Variants in PTPRO observed in about 807,000 individuals in gnomAD.
PTPRO encodes the protein protein tyrosine phosphatase receptor type O.
Under a neutral mutation model 145.2 loss-of-function variants are expected in PTPRO, and 62 were observed. The observed-to-expected ratio is 0.43, with a 90% CI of 0.35 to 0.53. The LOEUF (loss-of-function observed/expected upper bound fraction) is 0.53, where lower values mean the gene tolerates loss of function less well. Among genes scored for constraint, PTPRO ranks in the 20% least tolerant of loss-of-function variants. The probability of loss-of-function intolerance (pLI) is 0.01; values close to 1 mark genes in which losing one functional copy is unlikely to be tolerated. For synonymous variants in PTPRO, 565 were observed against 514.7 expected (o/e 1.10, Z -1.32); for missense variants, 1,345 against 1,482.7 (o/e 0.91, Z 1.53).
At chr12:15,351,623 G>C (rs1230720180) in intron 1 of PTPRO, among the ~76,000 whole-genome samples, 1 of 152,192 alleles carries the variant, frequency 6.6e-6, no homozygotes, top group East Asian at 1.9e-4. Flanking sequence ...AGCCAACAGG[G>C]AGGAAAGTAA....
chr12:15,346,459 A>G (rs1867216008), intron 1 of PTPRO: 1 of 152,228 alleles, frequency 6.6e-6, no homozygotes, highest in Non-Finnish European at 1.5e-5. Flanking sequence ...TCCCACATGC[A>G]GAGCTGCAAG....
At chr12:15,469,816 A>C (rs1190530244) in intron 1 of PTPRO, among the ~76,000 whole-genome samples, 2 of 151,808 alleles carry the variant, frequency 1.3e-5, no homozygotes, top group African/African-American at 4.8e-5. Flanking sequence ...TATGTCTCAA[A>C]GAAAATCAAT....
chr12:15,342,375 A>T (rs925495196), intron 1 of PTPRO, among the ~76,000 whole-genome samples: 17 of 150,946 alleles, frequency 1.1e-4, no homozygotes, highest in African/African-American at 4.1e-4. Context: ...TTTTATGTCT[A>T]TGATCACCAA....
At chr12:15,492,027 A>G (rs1565661660) in intron 2 of PTPRO, among the ~76,000 whole-genome samples, 1 of 152,236 alleles carries the variant, frequency 6.6e-6, no homozygotes, top group Non-Finnish European at 1.5e-5. Flanking sequence ...ACCGAGGTCC[A>G]AGGCTAGTTA....
intron 16 of PTPRO, among the ~76,000 whole-genome samples, chr12:15,559,378 C>G (rs1425185092): frequency 1.3e-5 from 2 of 152,092 alleles, no homozygotes; most frequent in Non-Finnish European, 2.9e-5. Flanking sequence ...TATTTTTCCC[C>G]CTAATTCTCA....
intron 1 of PTPRO, among the ~76,000 whole-genome samples, chr12:15,447,335 G>T (rs11056493): frequency 1.3e-5 from 2 of 152,050 alleles, no homozygotes; most frequent in African/African-American, 4.8e-5. Context: ...ACTGCAGCAG[G>T]TTCTTATTGC....
chr12:15,484,275 TTTC>T, intron 2 of PTPRO, 28 bp downstream of exon 2: 1 of 1,611,910 alleles, frequency 6.2e-7, no homozygotes, highest in Non-Finnish European at 8.5e-7. Context: ...TATTGTCCCG[TTTC>T]TTCTTATTGT....
At chr12:15,342,071 T>C (rs145195531) in intron 1 of PTPRO, among the ~76,000 whole-genome samples, 161 of 152,346 alleles carry the variant, frequency 1.1e-3, no homozygotes, top group African/African-American at 3.1e-3. Flanking sequence ...TTATGTGTAT[T>C]TGTGCATGTG....
At chr12:15,577,928 T>G (rs1944222483) in intron 19 of PTPRO, among the ~76,000 whole-genome samples, 1 of 152,298 alleles carries the variant, frequency 6.6e-6, no homozygotes, top group East Asian at 1.9e-4. Context: ...AATCCCCCTT[T>G]CCCCATAACA....
intron 1 of PTPRO, among the ~76,000 whole-genome samples, chr12:15,455,158 G>A (rs1167536778): frequency 6.6e-6 from 1 of 152,038 alleles, no homozygotes. Context: ...TGCACATCCT[G>A]TTCTCTGTAG....
intron 13 of PTPRO, among the ~76,000 whole-genome samples, chr12:15,547,948 A>C (rs1943338451): frequency 6.6e-6 from 1 of 152,212 alleles, no homozygotes; most frequent in African/African-American, 2.4e-5. Context: ...TAGTCTGGCC[A>C]TGGGTCCACC....
intron 1 of PTPRO, among the ~76,000 whole-genome samples, chr12:15,447,112 A>T (rs1364160168): frequency 2.0e-5 from 3 of 152,098 alleles, no homozygotes; most frequent in Non-Finnish European, 2.9e-5. Flanking sequence ...GCCTGGAAAG[A>T]ATAAGGTTTT....
intron 23 of PTPRO, among the ~76,000 whole-genome samples, chr12:15,582,898 G>T (rs1372189746): frequency 6.6e-6 from 1 of 152,136 alleles, no homozygotes; most frequent in Non-Finnish European, 1.5e-5. Flanking sequence ...CTGAGCAAAC[G>T]CTGAATATTT....
chr12:15,422,128 G>C (rs1940164045), intron 1 of PTPRO, among the ~76,000 whole-genome samples: 1 of 152,120 alleles, frequency 6.6e-6, no homozygotes, highest in Non-Finnish European at 1.5e-5. Context: ...TTGCCCCAGG[G>C]AGTAGGATTG....
intron 12 of PTPRO, among the ~76,000 whole-genome samples, chr12:15,528,897 T>C (rs1041114803): frequency 5.3e-5 from 8 of 152,126 alleles, no homozygotes; most frequent in African/African-American, 1.9e-4. Flanking sequence ...CATCCAAGAA[T>C]AATGTATCCA....
chr12:15,461,194 A>G (rs1202385882), intron 1 of PTPRO, among the ~76,000 whole-genome samples: 1 of 152,156 alleles, frequency 6.6e-6, no homozygotes, highest in Non-Finnish European at 1.5e-5. Flanking sequence ...TAACCCAGAC[A>G]TTTCTTTCTA....
chr12:15,388,399 G>A (rs1402208851), intron 1 of PTPRO, among the ~76,000 whole-genome samples: 5 of 152,032 alleles, frequency 3.3e-5, no homozygotes, highest in African/African-American at 1.2e-4. Context: ...AATTGAAACT[G>A]CACTGAAGCT....
intron 1 of PTPRO, among the ~76,000 whole-genome samples, chr12:15,376,045 G>C (rs896422732): frequency 6.6e-6 from 1 of 152,080 alleles, no homozygotes; most frequent in Admixed American, 6.6e-5. Flanking sequence ...CATTATGTGA[G>C]CTCCAGAAAT....
intron 1 of PTPRO, among the ~76,000 whole-genome samples, chr12:15,376,385 G>A (rs895336216): frequency 1.3e-5 from 2 of 152,164 alleles, no homozygotes; most frequent in African/African-American, 2.4e-5. Context: ...GAGAGATTGA[G>A]ATATTTTCAG....
Sources: allele counts gnomAD v4.1 joint callset (sites outside exome capture counted in the v4.1 genomes callset), GRCh38; gene constraint gnomAD v4.1.1; transcripts MANE v1.5; gene names NCBI Gene and HGNC (gene_info 2026-07-23, HGNC 2026-07-21).